RAP2A: variants seen among roughly 807,000 people sequenced by gnomAD.
RAP2A encodes the protein ras-related protein Rap-2a.
A neutral mutation model predicts 15.1 loss-of-function variants in RAP2A; 5 were observed. The ratio of observed to expected loss-of-function variants is 0.33; its 90% CI spans 0.17 to 0.70. RAP2A has a LOEUF of 0.70. RAP2A is among the 30% of genes least tolerant of loss of function. The pLI, the probability that RAP2A is intolerant of heterozygous loss-of-function variation, is 0.68. For missense variants in RAP2A, 111 were observed against 240.3 expected (o/e 0.46, Z 3.56); for synonymous variants, 110 against 99.7 (o/e 1.10, Z -0.62).
chr13:97,452,650 G>GCA (rs34107608), intron 1 of RAP2A, among the ~76,000 whole-genome samples: 46,683 of 147,964 alleles, frequency 0.32, 8,207 homozygotes, highest in Middle Eastern at 0.4. Context: ...ACACACACAC[G>GCA]CACACACACA....
At chr13:97,443,335 C>T (rs1034379096) in intron 1 of RAP2A, among the ~76,000 whole-genome samples, 1 of 152,152 alleles carries the variant, frequency 6.6e-6, no homozygotes, top group African/African-American at 2.4e-5. Context: ...TAATTCAATG[C>T]ATATTAGTAT....
intron 1 of RAP2A, among the ~76,000 whole-genome samples, chr13:97,444,717 A>G (rs1204777336): frequency 1.3e-5 from 2 of 152,250 alleles, no homozygotes; most frequent in Non-Finnish European, 2.9e-5. Flanking sequence ...CTAAGTTTCA[A>G]AATATTTTTG....
intron 1 of RAP2A, among the ~76,000 whole-genome samples, chr13:97,444,515 T>C (rs959555764): frequency 1.3e-5 from 2 of 152,198 alleles, no homozygotes; most frequent in African/African-American, 2.4e-5. Flanking sequence ...GTTTTGTCTT[T>C]GTATAAAAGT....
At chr13:97,442,775 C>T (rs550534032) in intron 1 of RAP2A, among the ~76,000 whole-genome samples, 23 of 152,286 alleles carry the variant, frequency 1.5e-4, no homozygotes, top group East Asian at 7.7e-4. Context: ...CATCTTCTCT[C>T]TCCTGCTTTT....
At chr13:97,447,235 C>T (rs956970788) in intron 1 of RAP2A, among the ~76,000 whole-genome samples, 3 of 152,158 alleles carry the variant, frequency 2.0e-5, no homozygotes, top group African/African-American at 4.8e-5. Flanking sequence ...CACATTTAAT[C>T]GTATTAAGAA....
chr13:97,463,544 G>GTGGT (rs2066757316), intron 1 of RAP2A, among the ~76,000 whole-genome samples: 3 of 152,198 alleles, frequency 2.0e-5, no homozygotes, highest in Non-Finnish European at 4.4e-5. Context: ...GGGATGGGGT[G>GTGGT]TGGTTGTATT....
intron 1 of RAP2A, among the ~76,000 whole-genome samples, chr13:97,456,578 GT>G (rs2066724033): frequency 6.6e-6 from 1 of 152,078 alleles, no homozygotes; most frequent in African/African-American, 2.4e-5. Flanking sequence ...CAATCCAGTG[GT>G]CCAATGATTG....
intron 1 of RAP2A, among the ~76,000 whole-genome samples, chr13:97,438,048 C>A (rs1446673576): frequency 6.6e-6 from 1 of 152,142 alleles, no homozygotes; most frequent in Non-Finnish European, 1.5e-5. Context: ...CATATGCTTT[C>A]TTTTCTTAAC....
chr13:97,468,821 A>G lies in RAP2A; in HGVS notation c.*4379A>G, dbSNP rs967396438. The G allele has an allele frequency of 1.3e-5, 2 of 152,234 alleles. No individual in the cohort carries two copies. Among genetic ancestry groups the G allele is most frequent in the Non-Finnish European group, 2.9e-5 (2 of 68,048 alleles). The allele number at this position is 152,234 out of a possible 1,614,324, so 9.4% of individuals were successfully genotyped here. A position where few individuals can be genotyped will look rare whatever the true frequency, so the allele number is the denominator to read the frequency against. On this transcript the variant is annotated 3_prime_UTR_variant, in exon 2 of 2. Coordinates refer to ENST00000245304, the MANE Select transcript of RAP2A (RefSeq NM_021033.7). ...TGGAAGAACGTCTTTGAGGCTAAAAAGTAGTACTCTGAAATTCTCTCAAGT... is the reference window on the plus strand; with the variant it reads ...TGGAAGAACGTCTTTGAGGCTAAAAGGTAGTACTCTGAAATTCTCTCAAGT...
intron 1 of RAP2A, among the ~76,000 whole-genome samples, chr13:97,435,246 T>C: frequency 6.6e-6 from 1 of 152,126 alleles, no homozygotes; most frequent in East Asian, 1.9e-4. Flanking sequence ...CTCATCTCGT[T>C]AAAGGTTTAT....
intron 1 of RAP2A, among the ~76,000 whole-genome samples, chr13:97,443,979 AAAG>A (rs2066669117): frequency 1.3e-5 from 2 of 152,246 alleles, no homozygotes; most frequent in East Asian, 3.8e-4. Flanking sequence ...TATTAATAAT[AAAG>A]TTTCACCAAG....
At chr13:97,462,763 G>GTA (rs2066753346) in intron 1 of RAP2A, among the ~76,000 whole-genome samples, 1 of 152,144 alleles carries the variant, frequency 6.6e-6, no homozygotes, top group Admixed American at 6.5e-5. Context: ...ACTACCTGGA[G>GTA]TATGCCCTCT....
chr13:97,465,541 T>C lies in RAP2A; in HGVS notation c.*1099T>C, dbSNP rs1333544699. On this transcript the variant is annotated 3_prime_UTR_variant, in exon 2 of 2. Transcript: ENST00000245304. ...TTAAAAATTGAATAACCATGTGAAA[T>C]AATTTGGGCTTAAAAGTGAACATAA... 6.6e-6 allele frequency: 1 copy of C among 152,624 alleles called. No homozygotes were observed. Among genetic ancestry groups the C allele is most frequent in the Non-Finnish European group, 1.5e-5 (1 of 68,032 alleles). 9.5% of individuals were successfully genotyped at this position (152,624 alleles called of 1,614,324 possible). A position where few individuals can be genotyped will look rare whatever the true frequency, so the allele number is the denominator to read the frequency against.
intron 1 of RAP2A, among the ~76,000 whole-genome samples, chr13:97,442,266 A>T (rs927130694): frequency 6.6e-6 from 1 of 152,110 alleles, no homozygotes; most frequent in Non-Finnish European, 1.5e-5. Context: ...TATGTATTAA[A>T]TTCTTTCTCT....
At chr13:97,437,735 C>G (rs1004764236) in intron 1 of RAP2A, 9 of 152,176 alleles carry the variant, frequency 5.9e-5, no homozygotes, top group Non-Finnish European at 1.3e-4. Flanking sequence ...ATTATTTCCC[C>G]TTATGAAGGA....
rs1404073448 is a variant in RAP2A at position 97,465,003 on chromosome 13, T to C, written c.*561T>C. 2 of 152,592 alleles carry C rather than the reference T, an allele frequency of 1.3e-5. No homozygotes were observed. The highest frequency in any genetic ancestry group is 2.9e-5 in the Non-Finnish European group (2 of 68,334). The allele number at this position is 152,592 out of a possible 1,614,324, so 9.5% of individuals were successfully genotyped here. On this transcript the variant is annotated 3_prime_UTR_variant, in exon 2 of 2. Coordinates refer to ENST00000245304, the MANE Select transcript of RAP2A (RefSeq NM_021033.7). ...GCTAACACATTTCTGTTTTTCAAAA[T>C]TGATGCTTAATTGTAGCTGTTATTC...
intron 1 of RAP2A, among the ~76,000 whole-genome samples, chr13:97,440,456 ATTAAAG>A (rs1304841050): frequency 6.6e-6 from 1 of 152,222 alleles, no homozygotes; most frequent in Non-Finnish European, 1.5e-5. Context: ...CAAACAGAAT[ATTAAAG>A]TTAAAAAGAC....
intron 1 of RAP2A, among the ~76,000 whole-genome samples, chr13:97,444,361 C>A (rs1387390179): frequency 6.6e-6 from 1 of 152,132 alleles, no homozygotes; most frequent in African/African-American, 2.4e-5. Flanking sequence ...GTTAACACTT[C>A]TCTTTTTAAA....
intron 1 of RAP2A, among the ~76,000 whole-genome samples, chr13:97,445,540 C>T (rs940505492): frequency 6.6e-6 from 1 of 152,186 alleles, no homozygotes; most frequent in East Asian, 1.9e-4. Context: ...AACTTTTTTA[C>T]AATGGTCTAG....
Sources: allele counts gnomAD v4.1 joint callset (sites outside exome capture counted in the v4.1 genomes callset), GRCh38; gene constraint gnomAD v4.1.1; transcripts MANE v1.5; gene names NCBI Gene and HGNC (gene_info 2026-07-23, HGNC 2026-07-21).